The following DYNLRB1 variants were observed in gnomAD, a reference collection of about 807,000 sequenced individuals.
The protein encoded by DYNLRB1 is dynein light chain roadblock-type 1, also known as ROBL/LC7-like 1.
DYNLRB1 carries 6 observed loss-of-function variants against 13.5 expected under a neutral mutation model. The observed-to-expected ratio is 0.44, with a 90% CI of 0.24 to 0.88. The LOEUF (loss-of-function observed/expected upper bound fraction) is 0.88, where lower values mean the gene tolerates loss of function less well. Among genes scored for constraint, DYNLRB1 ranks in the 40% least tolerant of loss-of-function variants. The probability of loss-of-function intolerance (pLI) is 0.21; values close to 1 mark genes in which losing one functional copy is unlikely to be tolerated. For synonymous variants in DYNLRB1, 43 were observed against 45.0 expected (o/e 0.96, Z 0.18); for missense variants, 93 against 127.2 (o/e 0.73, Z 1.29).
chr20:34,516,536 A>AG (rs1979199094), intron 1 of DYNLRB1, 75 bp downstream of exon 1: 2 of 1,595,516 alleles, frequency 1.3e-6, no homozygotes, highest in Admixed American at 1.7e-5. Flanking sequence ...TCCGAGGATG[A>AG]GGGGATCTCA....
Position 34,534,779 on chromosome 20 carries a change from A to G in DYNLRB1, c.231A>G (p.Glu77=). ...TTCGAATTCGCTCCAAGAAAAATGA[A>G]ATTATGGTTGCACCAGGTAAGGGGT... ...TFLRIRSKKN[E]IMVAPDKDYF... is the part of the protein sequence containing the mutation. The change falls in exon 3 of 4, where the codon GAA becomes GAG. Residue 77 remains glutamate, a synonymous_variant. Coordinates refer to ENST00000357156, the MANE Select transcript of DYNLRB1 (RefSeq NM_014183.4). The G allele has an allele frequency of 6.2e-7, 1 of 1,614,000 alleles. No homozygotes were observed. The highest frequency in any genetic ancestry group is 8.5e-7 in the Non-Finnish European group (1 of 1,180,002).
chr20:34,534,830 ACCTCAT>A (rs1568603706), intron 3 of DYNLRB1, 35 bp downstream of exon 3: 3 of 1,613,550 alleles, frequency 1.9e-6, no homozygotes, highest in Non-Finnish European at 2.5e-6. Context: ...GTAGGAACAG[ACCTCAT>A]GGCACATTCT....
At chr20:34,530,179 C>A (rs1284393275) in intron 2 of DYNLRB1, 2 of 1,176,216 alleles carry the variant, frequency 1.7e-6, no homozygotes, top group African/African-American at 3.2e-5. Flanking sequence ...TTAAAACTGC[C>A]CCTAAAGCCA....
rs540525388 is a variant in DYNLRB1 at position 34,530,675 on chromosome 20, A to C, written c.80-3953A>C. On this transcript the variant is annotated intron_variant, in intron 2 of 3. Transcript: ENST00000357156. Reference sequence around the variant, plus strand: ...GAACGTGGTCAGAACACAGAATCTGAGTTGGTCACACTTCCCACTGATCCA... The same window carrying C: ...GAACGTGGTCAGAACACAGAATCTGCGTTGGTCACACTTCCCACTGATCCA... 4.6e-4 allele frequency: 70 copies of C among 152,342 alleles called. 1 individual carries two copies. The highest frequency in any genetic ancestry group is 1.7e-3 in the African/African-American group (70 of 41,576). The allele number at this position is 152,342 out of a possible 1,614,324, so 9.4% of individuals were successfully genotyped here.
intron 1 of DYNLRB1, among the ~76,000 whole-genome samples, chr20:34,518,701 A>G (rs946913006): frequency 6.6e-6 from 1 of 151,034 alleles, no homozygotes; most frequent in East Asian, 1.9e-4. Context: ...TGATTCACCC[A>G]CGTTGGCCTC....
chr20:34,528,999 A>G (rs1980486553), intron 2 of DYNLRB1, among the ~76,000 whole-genome samples: 1 of 151,996 alleles, frequency 6.6e-6, no homozygotes, highest in South Asian at 2.1e-4. Flanking sequence ...AAAAAAAACA[A>G]AAAGTAACAA....
At chr20:34,529,831 A>G in intron 2 of DYNLRB1, 1 of 1,496,068 alleles carries the variant, frequency 6.7e-7, no homozygotes, top group Non-Finnish European at 8.9e-7. Context: ...TGATTAAACC[A>G]TGTGGTCATT....
chr20:34,526,188 G>A lies in DYNLRB1; in HGVS notation c.4-80G>A, dbSNP rs1477462277. 1.7e-5 allele frequency: 25 copies of A among 1,477,618 alleles called. No homozygotes were observed. The South Asian group carries it at 1.7e-4, about 10-fold the overall frequency. 91.5% of individuals were successfully genotyped at this position (1,477,618 alleles called of 1,614,324 possible). A position where few individuals can be genotyped will look rare whatever the true frequency, so the allele number is the denominator to read the frequency against. ...ACTTGTTTGTTGTTGGAAGACAAAC[G>A]TATGATTCATCTGCCTGGGGTATGA... On this transcript the variant is annotated intron_variant, in intron 1 of 3. Transcript: ENST00000357156.
intron 1 of DYNLRB1, among the ~76,000 whole-genome samples, chr20:34,518,113 G>A (rs887610902): frequency 6.7e-5 from 10 of 149,856 alleles, no homozygotes; most frequent in Admixed American, 6.6e-4. Flanking sequence ...TTTTTTTTTC[G>A]TTTTTGTTGT....
rs1184564853 is a variant in DYNLRB1, at chr20:34,528,335, A to AC, written c.79+1992_79+1993insC. Among the ~76,000 whole-genome samples, 2 of 150,022 alleles carry AC rather than the reference A, an allele frequency of 1.3e-5. 1 individual carries two copies. ...TCAAAAAAAAAAAAAAAAAAAAAAA[A>AC]AAAAAAAAACTACCCTACTGGAGTT... is the stretch of plus-strand genomic sequence containing the variant. On this transcript the variant is annotated intron_variant, in intron 2 of 3. Coordinates refer to ENST00000357156, the MANE Select transcript of DYNLRB1 (RefSeq NM_014183.4).
At chr20:34,518,790 GC>G (rs1979477148) in intron 1 of DYNLRB1, among the ~76,000 whole-genome samples, 1 of 151,696 alleles carries the variant, frequency 6.6e-6, no homozygotes, top group Non-Finnish European at 1.5e-5. Flanking sequence ...CACTTATATG[GC>G]CCCCCTTTTT....
rs765180198 is a variant in DYNLRB1, at chr20:34,534,622, C to A, written c.80-6C>A. 2 of 1,559,512 alleles carry A rather than the reference C, an allele frequency of 1.3e-6. No individual in the cohort carries two copies. The highest frequency in any genetic ancestry group is 1.7e-6 in the Non-Finnish European group (2 of 1,152,372). On this transcript the variant is annotated splice_region_variant and splice_polypyrimidine_tract_variant and intron_variant, in intron 2 of 3. Coordinates refer to ENST00000357156, the MANE Select transcript of DYNLRB1 (RefSeq NM_014183.4). The stretch of plus-strand genomic sequence containing the variant: ...TCCTCTCAGTCTCCGTCTGCTCTCC[C>A]CTCAGGCATTCCCATCAAGAGCACC...
intron 1 of DYNLRB1, among the ~76,000 whole-genome samples, chr20:34,518,932 G>A (rs758025247): frequency 5.0e-4 from 75 of 148,702 alleles, no homozygotes; most frequent in Non-Finnish European, 8.2e-4. Flanking sequence ...TTGCCCTTTC[G>A]CCCAGGCTGG....
intron 3 of DYNLRB1, chr20:34,535,785 A>G: frequency 2.0e-6 from 2 of 985,212 alleles, no homozygotes; most frequent in Non-Finnish European, 2.4e-6. Context: ...CAAACACCTA[A>G]CTCAGTTGCA....
intron 3 of DYNLRB1, chr20:34,535,578 A>G (rs1248827080): frequency 1.1e-6 from 1 of 946,180 alleles, no homozygotes; most frequent in Non-Finnish European, 1.3e-6. Flanking sequence ...GGTGGCAGGC[A>G]GAGCCTCCAG....
intron 1 of DYNLRB1, among the ~76,000 whole-genome samples, chr20:34,523,383 A>G (rs181653541): frequency 1.3e-5 from 2 of 152,288 alleles, no homozygotes; most frequent in African/African-American, 4.8e-5. Flanking sequence ...AATCACGCCC[A>G]GTGAAAACCA....
At chr20:34,522,370 C>T (rs17091858) in intron 1 of DYNLRB1, among the ~76,000 whole-genome samples, 2,826 of 151,670 alleles carry the variant, frequency 0.019, 81 homozygotes, top group African/African-American at 0.056. Flanking sequence ...CCATAGTAGG[C>T]GCTGAGTAGG....
At chr20:34,528,851 G>A (rs1980471779) in intron 2 of DYNLRB1, among the ~76,000 whole-genome samples, 1 of 152,124 alleles carries the variant, frequency 6.6e-6, no homozygotes, top group African/African-American at 2.4e-5. Context: ...GCACACGCCT[G>A]TAGTCTTAGC....
intron 1 of DYNLRB1, among the ~76,000 whole-genome samples, chr20:34,518,543 G>A (rs1979448528): frequency 6.6e-6 from 1 of 151,296 alleles, no homozygotes; most frequent in South Asian, 2.1e-4. Flanking sequence ...ACCCTCCTGG[G>A]CTCAAGTGAT....
Sources: gnomAD v4.1 joint callset for allele counts (sites outside exome capture counted in the v4.1 genomes callset) on GRCh38, gnomAD v4.1.1 for gene constraint, MANE v1.5 for transcripts, NCBI Gene and HGNC (gene_info 2026-07-23, HGNC 2026-07-21) for gene names.